GABRB2: variants seen among roughly 807,000 people sequenced by gnomAD.
GABRB2 encodes gamma-aminobutyric acid type A receptor subunit beta2.
GABRB2 carries 16 observed loss-of-function variants against 54.7 expected under a neutral mutation model. The ratio of observed to expected loss-of-function variants is 0.29; its 90% CI spans 0.20 to 0.44. The LOEUF is 0.44. Among genes scored for constraint, GABRB2 ranks in the 20% least tolerant of loss-of-function variants. The pLI is 1.00. For missense variants in GABRB2, 355 were observed against 644.0 expected (o/e 0.55, Z 4.86); for synonymous variants, 244 against 233.8 (o/e 1.04, Z -0.40).
chr5:161,416,403 A>G lies in GABRB2; in HGVS notation c.459-5346T>C, dbSNP rs1000442799. Among the ~76,000 whole-genome samples, 5 of 152,282 alleles carry G rather than the reference A, an allele frequency of 3.3e-5. No individual in the cohort carries two copies. In the East Asian group the frequency reaches 9.7e-4, roughly 29 times the overall value. ...CAGTAGACTCCTTAAGAGGGGCTTC[A>G]GGACTAGAATATATGTTCAAACATG... On this transcript the variant is annotated intron_variant, in intron 4 of 9. Coordinates refer to ENST00000393959, the MANE Select transcript of GABRB2 (RefSeq NM_001371727.1).
At chr5:161,426,915 G>T (rs1019391490) in intron 4 of GABRB2, among the ~76,000 whole-genome samples, 1 of 152,072 alleles carries the variant, frequency 6.6e-6, no homozygotes, top group Non-Finnish European at 1.5e-5. Context: ...ATTGTCATAT[G>T]AACAATTTCA....
chr5:161,374,292 G>T (rs1351740061), intron 5 of GABRB2, among the ~76,000 whole-genome samples: 1 of 152,098 alleles, frequency 6.6e-6, no homozygotes, highest in Non-Finnish European at 1.5e-5. Context: ...GTGCCTTCTT[G>T]ATATTTCATC....
chr5:161,312,364 T>G (rs1166858343), intron 9 of GABRB2, among the ~76,000 whole-genome samples: 1 of 152,194 alleles, frequency 6.6e-6, no homozygotes, highest in African/African-American at 2.4e-5. Context: ...CGGCAGACAG[T>G]GAAAGTTGCT....
At chr5:161,397,498 C>T (rs2113065496) in intron 5 of GABRB2, among the ~76,000 whole-genome samples, 1 of 152,196 alleles carries the variant, frequency 6.6e-6, no homozygotes, top group Admixed American at 6.5e-5. Context: ...CATGTGAAAT[C>T]AATTTATATA....
chr5:161,349,582 G>T (rs1244747921), intron 5 of GABRB2, among the ~76,000 whole-genome samples: 1 of 152,098 alleles, frequency 6.6e-6, no homozygotes, highest in African/African-American at 2.4e-5. Context: ...TTCCTTCTGA[G>T]ATTAGGTTAT....
At chr5:161,392,523 G>C (rs1044438696) in intron 5 of GABRB2, among the ~76,000 whole-genome samples, 1 of 152,170 alleles carries the variant, frequency 6.6e-6, no homozygotes, top group Non-Finnish European at 1.5e-5. Flanking sequence ...GTTGTTAACA[G>C]CTCAGGCTTT....
intron 3 of GABRB2, among the ~76,000 whole-genome samples, chr5:161,468,615 A>T (rs1561661201): frequency 6.6e-6 from 1 of 151,962 alleles, no homozygotes; most frequent in African/African-American, 2.4e-5. Context: ...ACATTCATTT[A>T]TTTGTCTCCT....
intron 9 of GABRB2, among the ~76,000 whole-genome samples, chr5:161,308,668 T>C (rs758050868): frequency 6.6e-6 from 1 of 152,114 alleles, no homozygotes; most frequent in Admixed American, 6.5e-5. Context: ...AACAGACACA[T>C]ATACCAATGG....
chr5:161,477,288 A>C, intron 3 of GABRB2, among the ~76,000 whole-genome samples: 1 of 9,812 alleles, frequency 1.0e-4, no homozygotes. Flanking sequence ...CAAAAGCAAA[A>C]AAAAAAAAAA....
intron 3 of GABRB2, among the ~76,000 whole-genome samples, chr5:161,478,999 GCTTT>G (rs1277995841): frequency 6.6e-6 from 1 of 152,022 alleles, no homozygotes; most frequent in African/African-American, 2.4e-5. Flanking sequence ...ACATATCCCT[GCTTT>G]CATGCTTTTG....
chr5:161,411,775 T>C (rs899184123), intron 4 of GABRB2, among the ~76,000 whole-genome samples: 1 of 152,046 alleles, frequency 6.6e-6, no homozygotes, highest in African/African-American at 2.4e-5. Context: ...AATCTTTCTA[T>C]TGACCTTCTA....
At chr5:161,439,578 A>G (rs1757403304) in intron 4 of GABRB2, among the ~76,000 whole-genome samples, 1 of 152,246 alleles carries the variant, frequency 6.6e-6, no homozygotes, top group Non-Finnish European at 1.5e-5. Context: ...AATCAATAAA[A>G]GTAATAACTA....
intron 9 of GABRB2, among the ~76,000 whole-genome samples, chr5:161,315,864 C>T (rs1344036661): frequency 6.6e-6 from 1 of 152,122 alleles, no homozygotes; most frequent in Non-Finnish European, 1.5e-5. Flanking sequence ...GGACAGAAAT[C>T]ACATCCGAAG....
intron 5 of GABRB2, among the ~76,000 whole-genome samples, chr5:161,373,110 A>G (rs1755179960): frequency 6.6e-6 from 1 of 152,238 alleles, no homozygotes; most frequent in Non-Finnish European, 1.5e-5. Flanking sequence ...ACCGTATGCA[A>G]ATGTGTGTTA....
chr5:161,315,638 C>A (rs564170337), intron 9 of GABRB2, among the ~76,000 whole-genome samples: 81 of 152,018 alleles, frequency 5.3e-4, no homozygotes, highest in Non-Finnish European at 7.1e-4. Flanking sequence ...TAAGAAGCAT[C>A]TTTTTATGGA....
chr5:161,489,457 A>G (rs1759033279), intron 3 of GABRB2, among the ~76,000 whole-genome samples: 1 of 151,690 alleles, frequency 6.6e-6, no homozygotes, highest in Admixed American at 6.6e-5. Flanking sequence ...TTTCTTATGT[A>G]TGAGGAAAAC....
At chr5:161,444,223 ATT>A (rs988342202) in intron 4 of GABRB2, among the ~76,000 whole-genome samples, 5 of 152,144 alleles carry the variant, frequency 3.3e-5, no homozygotes, top group African/African-American at 1.2e-4. Context: ...GATACTCCAA[ATT>A]ACATAAAGAC....
At chr5:161,446,064 ATAT>A (rs1401550249) in intron 4 of GABRB2, among the ~76,000 whole-genome samples, 1 of 152,304 alleles carries the variant, frequency 6.6e-6, no homozygotes, top group African/African-American at 2.4e-5. Context: ...ACTCTTTATC[ATAT>A]TATTATGTTT....
intron 5 of GABRB2, among the ~76,000 whole-genome samples, chr5:161,366,574 C>CT: frequency 6.6e-6 from 1 of 152,246 alleles, no homozygotes; most frequent in Admixed American, 6.5e-5. Context: ...ACTTTTAGCA[C>CT]AAGGTAAGTG....
Sources: allele counts gnomAD v4.1 joint callset (sites outside exome capture counted in the v4.1 genomes callset), GRCh38; gene constraint gnomAD v4.1.1; transcripts MANE v1.5; gene names NCBI Gene and HGNC (gene_info 2026-07-23, HGNC 2026-07-21).